Variants in SWT1 observed in about 807,000 individuals in gnomAD.
SWT1 encodes transcriptional protein SWT1.
In SWT1, 33 loss-of-function variants were observed where a neutral mutation model predicts 107.3. The ratio of observed to expected loss-of-function variants is 0.31; its 90% CI spans 0.23 to 0.41. The LOEUF is 0.41. Among genes scored for constraint, SWT1 ranks in the 10% least tolerant of loss-of-function variants. SWT1 has a pLI of 1.00. For missense variants in SWT1, 898 were observed against 1,028.9 expected, an observed-to-expected ratio of 0.87 and a Z score of 1.74; for synonymous variants, 345 against 348.3, an observed-to-expected ratio of 0.99 and a Z score of 0.11.
Position 185,199,469 on chromosome 1 carries a change from G to A in SWT1, c.1524-3185G>A, listed in dbSNP as rs147473057. ...GTGGTGACAGAATCTCACAGCATTT[G>A]CTTGTCTGTAAAGGATTTTATTTCT... On this transcript the variant is annotated intron_variant, in intron 10 of 18. Coordinates refer to ENST00000367500, the MANE Select transcript of SWT1 (RefSeq NM_017673.7). 2.9e-4 allele frequency among the ~76,000 whole-genome samples: 44 copies of A among 152,252 alleles called. 1 individual carries two copies. The East Asian group carries it at 8.5e-3, about 29-fold the overall frequency.
At chr1:185,190,442 C>A in intron 9 of SWT1, 107 bp from the exon 10 acceptor site, 1 of 657,986 alleles carries the variant, frequency 1.5e-6, no homozygotes, top group South Asian at 1.8e-5. Flanking sequence ...ACCTTAACTA[C>A]CTTAAATCTC....
In SWT1 at chr1:185,172,655, T is replaced by C. The variant is rs1034788845; in HGVS notation, c.225-1717T>C. Among the ~76,000 whole-genome samples the C allele has an allele frequency of 2.6e-5, 4 of 152,206 alleles. No individual in the cohort carries two copies. In the East Asian group the frequency reaches 5.8e-4, roughly 22 times the overall value. The stretch of plus-strand genomic sequence containing the variant: ...TTCACATTTCTTTGTGGGACTGTTA[T>C]GTTGTTTTACATTTCTACCAGCAAC... On this transcript the variant is annotated intron_variant, in intron 4 of 18. Transcript: ENST00000367500.
chr1:185,183,382 C>G (rs1656190680), intron 7 of SWT1, among the ~76,000 whole-genome samples: 1 of 151,956 alleles, frequency 6.6e-6, no homozygotes, highest in Admixed American at 6.6e-5. Context: ...CCTGTGCCTC[C>G]CAGGTTCAAG....
chr1:185,169,967 A>G (rs910224833), intron 4 of SWT1, among the ~76,000 whole-genome samples: 1 of 152,196 alleles, frequency 6.6e-6, no homozygotes, highest in Non-Finnish European at 1.5e-5. Context: ...CTCTGAAGGC[A>G]GAGAAGAAAT....
At chr1:185,208,408 TTAGA>T (rs931272212) in intron 13 of SWT1, among the ~76,000 whole-genome samples, 3 of 152,136 alleles carry the variant, frequency 2.0e-5, no homozygotes, top group African/African-American at 4.8e-5. Flanking sequence ...AAAGCTACAG[TTAGA>T]TAGGAGGAAT....
At chr1:185,240,317 T>A (rs1661178229) in intron 16 of SWT1, among the ~76,000 whole-genome samples, 1 of 152,108 alleles carries the variant, frequency 6.6e-6, no homozygotes, top group Non-Finnish European at 1.5e-5. Flanking sequence ...AAACTTTGCA[T>A]ATGTGAGTTT....
intron 18 of SWT1, among the ~76,000 whole-genome samples, chr1:185,287,398 G>A (rs1665010354): frequency 6.6e-6 from 1 of 152,086 alleles, no homozygotes; most frequent in African/African-American, 2.4e-5. Flanking sequence ...CTCTGTTCTC[G>A]AAAGGATCAG....
At chr1:185,253,634 C>T (rs1483998484) in intron 16 of SWT1, among the ~76,000 whole-genome samples, 2 of 151,896 alleles carry the variant, frequency 1.3e-5, no homozygotes, top group Non-Finnish European at 2.9e-5. Flanking sequence ...GATTTTGTAT[C>T]CTGAGACTTT....
At chr1:185,256,736 G>A (rs28875322) in intron 16 of SWT1, among the ~76,000 whole-genome samples, 7 of 151,150 alleles carry the variant, frequency 4.6e-5, no homozygotes, top group Non-Finnish European at 7.4e-5. Flanking sequence ...ATGTCCTCCC[G>A]TAGCTCAGAG....
intron 4 of SWT1, chr1:185,171,829 A>G: frequency 3.0e-6 from 1 of 337,522 alleles, no homozygotes; most frequent in South Asian, 2.4e-5. Flanking sequence ...CTCCCACTTC[A>G]GCCTCCCAAG....
At chr1:185,199,153 G>A (rs897924582) in intron 10 of SWT1, among the ~76,000 whole-genome samples, 1 of 151,978 alleles carries the variant, frequency 6.6e-6, no homozygotes, top group African/African-American at 2.4e-5. Context: ...GGTCAGGCTG[G>A]TCTGGAACTC....
intron 16 of SWT1, chr1:185,257,776 G>A (rs969929213): frequency 2.0e-5 from 3 of 152,634 alleles, no homozygotes; most frequent in African/African-American, 7.2e-5. Flanking sequence ...GACCAGAGCT[G>A]TTCCTATTCG....
At chr1:185,220,816 T>C (rs1571540744) in intron 14 of SWT1, among the ~76,000 whole-genome samples, 1 of 152,322 alleles carries the variant, frequency 6.6e-6, no homozygotes, top group East Asian at 1.9e-4. Context: ...CACTATAATA[T>C]GTGATATGTT....
intron 16 of SWT1, among the ~76,000 whole-genome samples, chr1:185,238,894 A>G (rs2102600253): frequency 6.6e-6 from 1 of 152,242 alleles, no homozygotes; most frequent in Non-Finnish European, 1.5e-5. Flanking sequence ...AAAATTTTAC[A>G]ATTTAATTTA....
At chr1:185,237,704 A>G (rs182316543) in intron 16 of SWT1, among the ~76,000 whole-genome samples, 6 of 152,184 alleles carry the variant, frequency 3.9e-5, no homozygotes, top group Admixed American at 3.9e-4. Context: ...TAATAAAATA[A>G]TAATAATACT....
intron 16 of SWT1, among the ~76,000 whole-genome samples, chr1:185,243,755 G>A (rs1049028580): frequency 3.6e-4 from 55 of 152,026 alleles, no homozygotes; most frequent in African/African-American, 1.2e-3. Flanking sequence ...TGATTTTTTT[G>A]CTAATATTAA....
At chr1:185,256,339 T>C (rs1217625775) in intron 16 of SWT1, among the ~76,000 whole-genome samples, 6 of 149,224 alleles carry the variant, frequency 4.0e-5, no homozygotes, top group Non-Finnish European at 1.5e-5. Context: ...CCTTGCTAGA[T>C]TGGGGAAGTT....
chr1:185,283,533 AG>A (rs559477552), intron 18 of SWT1, among the ~76,000 whole-genome samples: 75 of 151,616 alleles, frequency 4.9e-4, no homozygotes, highest in Non-Finnish European at 9.3e-4. Context: ...CATGTTTGTT[AG>A]GCAAGTATGT....
chr1:185,273,650 C>T (rs1664045352), intron 17 of SWT1, among the ~76,000 whole-genome samples: 1 of 152,044 alleles, frequency 6.6e-6, no homozygotes, highest in South Asian at 2.1e-4. Flanking sequence ...TTGCAGTGAG[C>T]CAAGATCACA....
Sources: gnomAD v4.1 joint callset for allele counts (sites outside exome capture counted in the v4.1 genomes callset) on GRCh38, gnomAD v4.1.1 for gene constraint, MANE v1.5 for transcripts, NCBI Gene and HGNC (gene_info 2026-07-23, HGNC 2026-07-21) for gene names.